Variants in CA10 observed in about 807,000 individuals in gnomAD.
The protein encoded by CA10 is carbonic anhydrase-related protein 10.
CA10 carries 14 observed loss-of-function variants against 44.2 expected under a neutral mutation model. That is an observed-to-expected ratio of 0.32 (90% CI 0.21 to 0.50). CA10 has a LOEUF of 0.50. Ranked by LOEUF, CA10 falls within the 20% of genes least tolerant of loss-of-function variation. The pLI is 0.99. For missense variants in CA10, 350 were observed against 409.7 expected (o/e 0.85, Z 1.26); for synonymous variants, 159 against 141.6 (o/e 1.12, Z -0.87).
intron 3 of CA10, among the ~76,000 whole-genome samples, chr17:51,912,023 C>A (rs941990400): frequency 2.0e-5 from 3 of 152,148 alleles, no homozygotes; most frequent in Admixed American, 2.0e-4. Context: ...TACTACACTT[C>A]ATGAAGACTA....
chr17:51,990,975 G>T (rs561646995), intron 2 of CA10, among the ~76,000 whole-genome samples: 1 of 152,120 alleles, frequency 6.6e-6, no homozygotes, highest in African/African-American at 2.4e-5. Context: ...GTACAAAGAC[G>T]ACCATGGTGT....
At chr17:52,023,840 A>G (rs970405224) in intron 2 of CA10, among the ~76,000 whole-genome samples, 5 of 152,202 alleles carry the variant, frequency 3.3e-5, no homozygotes, top group South Asian at 2.1e-4. Context: ...TGAAGTCTGC[A>G]TTTTATGTCT....
At chr17:52,143,675 G>A (rs933570937) in intron 1 of CA10, among the ~76,000 whole-genome samples, 1 of 152,050 alleles carries the variant, frequency 6.6e-6, no homozygotes, top group Admixed American at 6.6e-5. Context: ...TGGCTGGGGT[G>A]GGTCTACACT....
intron 4 of CA10, among the ~76,000 whole-genome samples, chr17:51,733,631 T>A (rs958314285): frequency 3.3e-5 from 5 of 152,230 alleles, no homozygotes; most frequent in African/African-American, 1.2e-4. Flanking sequence ...CCCTGAGGTT[T>A]TAAAAGCAAA....
chr17:51,849,233 G>GTATATA (rs1217693250), intron 3 of CA10, among the ~76,000 whole-genome samples: 891 of 39,590 alleles, frequency 0.023, 16 homozygotes, highest in East Asian at 0.058. Flanking sequence ...ATATGTGTGT[G>GTATATA]TATATATATA....
At chr17:51,953,656 T>G (rs1220153294) in intron 2 of CA10, among the ~76,000 whole-genome samples, 1 of 152,222 alleles carries the variant, frequency 6.6e-6, no homozygotes, top group Middle Eastern at 3.4e-3. Flanking sequence ...AAAGGAGCAC[T>G]GTGTATATTT....
At chr17:51,942,308 T>A (rs1248444931) in intron 2 of CA10, among the ~76,000 whole-genome samples, 1 of 152,062 alleles carries the variant, frequency 6.6e-6, no homozygotes, top group Non-Finnish European at 1.5e-5. Flanking sequence ...ACAACACAAC[T>A]GGTCACCAAA....
chr17:51,985,755 A>G (rs1328968475), intron 2 of CA10, among the ~76,000 whole-genome samples: 3 of 152,062 alleles, frequency 2.0e-5, no homozygotes, highest in South Asian at 2.1e-4. Flanking sequence ...CCCTTTTACA[A>G]TAGCTATAAA....
At chr17:51,725,034 T>G (rs1283811493) in intron 4 of CA10, among the ~76,000 whole-genome samples, 1 of 152,182 alleles carries the variant, frequency 6.6e-6, no homozygotes, top group Non-Finnish European at 1.5e-5. Flanking sequence ...AAAAAAGGAA[T>G]TATATCCAAT....
chr17:51,700,299 C>T (rs1915548656), intron 4 of CA10, among the ~76,000 whole-genome samples: 1 of 152,186 alleles, frequency 6.6e-6, no homozygotes, highest in Non-Finnish European at 1.5e-5. Flanking sequence ...TTAAGTCATA[C>T]TTCAGATAAT....
At chr17:51,780,813 T>C (rs576100105) in intron 3 of CA10, among the ~76,000 whole-genome samples, 17 of 152,088 alleles carry the variant, frequency 1.1e-4, no homozygotes, top group African/African-American at 4.1e-4. Context: ...AGCCTGGAGG[T>C]TTCGAATTCT....
intron 2 of CA10, among the ~76,000 whole-genome samples, chr17:51,952,130 G>A (rs980456280): frequency 2.0e-5 from 3 of 152,152 alleles, no homozygotes; most frequent in Non-Finnish European, 2.9e-5. Flanking sequence ...ATAGGTAAGT[G>A]CAAAGTAAGA....
chr17:51,861,531 T>C (rs896870767), intron 3 of CA10, among the ~76,000 whole-genome samples: 6 of 148,898 alleles, frequency 4.0e-5, no homozygotes, highest in African/African-American at 1.3e-4. Flanking sequence ...TAGGTCACTA[T>C]TGCAGATGTG....
intron 2 of CA10, among the ~76,000 whole-genome samples, chr17:52,051,778 GTATAT>G (rs1366617100): frequency 2.6e-5 from 4 of 152,046 alleles, no homozygotes; most frequent in Non-Finnish European, 5.9e-5. Context: ...CCATTACTGA[GTATAT>G]ACCCAAAAGG....
intron 4 of CA10, among the ~76,000 whole-genome samples, chr17:51,680,426 GA>G (rs1400026530): frequency 6.6e-6 from 1 of 152,196 alleles, no homozygotes. Context: ...CCCAGCTCTG[GA>G]AGATTAAACC....
In CA10 at chr17:52,033,128, ATGT is replaced by A. The variant is rs1986517803; in HGVS notation, c.136+39188_136+39190del. On this transcript the variant is annotated intron_variant, in intron 2 of 8. Transcript: ENST00000451037. ...GCGTTGGGTCATGAAGGAAAAATAG[ATGT>A]TGTTAAGTGGAGAATCAGAAGAATG... is the stretch of plus-strand genomic sequence containing the variant. 2.6e-5 allele frequency among the ~76,000 whole-genome samples: 4 copies of A among 152,318 alleles called. 1 individual carries two copies. In the South Asian group the frequency reaches 8.3e-4, roughly 32 times the overall value.
chr17:51,665,945 A>C (rs899059506), intron 4 of CA10, among the ~76,000 whole-genome samples: 1 of 152,244 alleles, frequency 6.6e-6, no homozygotes, highest in Non-Finnish European at 1.5e-5. Flanking sequence ...TGCTTGTCTC[A>C]ACAGAGGAGA....
chr17:51,987,285 CA>C (rs1489915335), intron 2 of CA10, among the ~76,000 whole-genome samples: 1 of 151,932 alleles, frequency 6.6e-6, no homozygotes, highest in Non-Finnish European at 1.5e-5. Context: ...AATGGAAAAC[CA>C]AACATCATAT....
intron 2 of CA10, among the ~76,000 whole-genome samples, chr17:52,065,259 T>C (rs767226215): frequency 1.3e-4 from 20 of 152,234 alleles, no homozygotes; most frequent in Non-Finnish European, 2.6e-4. Context: ...CTACTAGGCT[T>C]TTTAAAACCT....
Sources: gnomAD v4.1 joint callset for allele counts (sites outside exome capture counted in the v4.1 genomes callset) on GRCh38, gnomAD v4.1.1 for gene constraint, MANE v1.5 for transcripts, NCBI Gene and HGNC (gene_info 2026-07-23, HGNC 2026-07-21) for gene names.